The following RDX variants were observed in gnomAD, a reference collection of about 807,000 sequenced individuals.
The protein encoded by RDX is radixin.
Under a neutral mutation model 83.7 loss-of-function variants are expected in RDX, and 32 were observed. The observed-to-expected ratio is 0.38, with a 90% confidence interval of 0.29 to 0.51. The LOEUF (loss-of-function observed/expected upper bound fraction) is 0.51. Among genes scored for constraint, RDX ranks in the 20% least tolerant of loss-of-function variants. RDX has a pLI of 0.87. For missense variants in RDX, 600 were observed against 689.9 expected (o/e 0.87, Z 1.46); for synonymous variants, 229 against 222.7 (o/e 1.03, Z -0.25).
intron 1 of RDX, among the ~76,000 whole-genome samples, chr11:110,291,540 C>T (rs968919411): frequency 6.6e-6 from 1 of 152,024 alleles, no homozygotes; most frequent in African/African-American, 2.4e-5. Context: ...CCTCTTATTC[C>T]TTTGGATACT....
intron 3 of RDX, among the ~76,000 whole-genome samples, chr11:110,270,540 C>A (rs138264493): frequency 1.3e-5 from 2 of 152,120 alleles, no homozygotes; most frequent in Admixed American, 1.3e-4. Flanking sequence ...TACTGTTCTA[C>A]GCACTTTACA....
intron 2 of RDX, among the ~76,000 whole-genome samples, chr11:110,277,901 G>A (rs754718998): frequency 1.3e-4 from 20 of 152,000 alleles, no homozygotes; most frequent in Non-Finnish European, 2.4e-4. Flanking sequence ...TTTTTCCTAT[G>A]TTTTCTTCTA....
chr11:110,270,221 C>A (rs1184732620), intron 3 of RDX, among the ~76,000 whole-genome samples: 1 of 151,794 alleles, frequency 6.6e-6, no homozygotes, highest in East Asian at 1.9e-4. Context: ...TCAGAGTATA[C>A]TTAAACAAAC....
intron 15 of RDX, among the ~76,000 whole-genome samples, chr11:110,183,229 C>A (rs542135414): frequency 1.3e-5 from 2 of 152,148 alleles, no homozygotes; most frequent in African/African-American, 4.8e-5. Context: ...TCAGAGGTGG[C>A]GATGCAGCCC....
intron 2 of RDX, among the ~76,000 whole-genome samples, chr11:110,273,528 C>G (rs1734151008): frequency 6.6e-6 from 1 of 152,232 alleles, no homozygotes; most frequent in Non-Finnish European, 1.5e-5. Context: ...TATACTCCCA[C>G]CTCAATCTAC....
At chr11:110,220,370 G>A (rs1289672818) in intron 14 of RDX, among the ~76,000 whole-genome samples, 1 of 152,150 alleles carries the variant, frequency 6.6e-6, no homozygotes, top group Non-Finnish European at 1.5e-5. Context: ...TGTTACTTCT[G>A]TTTGATGAGA....
At chr11:110,189,900 A>G (rs1423462420) in intron 15 of RDX, among the ~76,000 whole-genome samples, 2 of 152,096 alleles carry the variant, frequency 1.3e-5, no homozygotes, top group Non-Finnish European at 2.9e-5. Flanking sequence ...CCTGACCTAC[A>G]TGGAGAAACC....
chr11:110,283,766 AATAAC>A (rs1313653289), intron 1 of RDX, among the ~76,000 whole-genome samples: 1 of 152,184 alleles, frequency 6.6e-6, no homozygotes, highest in African/African-American at 2.4e-5. Flanking sequence ...GTTTTGGAAG[AATAAC>A]ATAATATGAC....
intron 15 of RDX, among the ~76,000 whole-genome samples, chr11:110,198,555 T>C (rs1863283652): frequency 6.6e-6 from 1 of 152,170 alleles, no homozygotes; most frequent in South Asian, 2.1e-4. Context: ...AGCAGCAGCA[T>C]TAGATTCTCA....
intron 14 of RDX, among the ~76,000 whole-genome samples, chr11:110,224,189 T>C (rs555570395): frequency 6.6e-6 from 1 of 151,896 alleles, no homozygotes; most frequent in East Asian, 1.9e-4. Flanking sequence ...AAGAGTTATT[T>C]TTCTAACCCC....
At chr11:110,253,498 A>G (rs1397334161) in intron 9 of RDX, among the ~76,000 whole-genome samples, 2 of 152,154 alleles carry the variant, frequency 1.3e-5, no homozygotes, top group Non-Finnish European at 2.9e-5. Context: ...AGAGAAACAG[A>G]GTTAAAAAGA....
intron 2 of RDX, among the ~76,000 whole-genome samples, chr11:110,275,766 C>G (rs1860488441): frequency 1.3e-5 from 2 of 149,402 alleles, no homozygotes; most frequent in Admixed American, 1.3e-4. Context: ...CACACAGATA[C>G]CAGTTTTTTA....
chr11:110,258,215 AT>A, intron 5 of RDX, 26 bp from the exon 6 acceptor site: 4 of 1,368,180 alleles, frequency 2.9e-6, no homozygotes, highest in Non-Finnish European at 4.1e-6. Context: ...AAAAAAAAAA[AT>A]TATAATGACT....
rs537339599 is a variant in RDX at position 110,205,995 on chromosome 11, C to T, written c.1749-6317G>A. On this transcript the variant is annotated intron_variant, in intron 14 of 15. Coordinates refer to the RDX transcript ENST00000528498. Reference sequence around the variant, plus strand: ...CTATAGCCAGACGCAGTGGCTCATGCCTGTAATCCCAGCACTTTGGGAGAC... The same window carrying T: ...CTATAGCCAGACGCAGTGGCTCATGTCTGTAATCCCAGCACTTTGGGAGAC... Among the ~76,000 whole-genome samples, 46 of 152,220 alleles carry T rather than the reference C, an allele frequency of 3.0e-4. 2 individuals are homozygous for T. Among genetic ancestry groups the T allele is most frequent in the Non-Finnish European group, 5.3e-4 (36 of 67,996 alleles).
intron 14 of RDX, among the ~76,000 whole-genome samples, chr11:110,208,272 C>T (rs1263037356): frequency 6.6e-6 from 1 of 152,230 alleles, no homozygotes; most frequent in African/African-American, 2.4e-5. Context: ...TCATTCAGTT[C>T]TGAAAACGAA....
intron 15 of RDX, among the ~76,000 whole-genome samples, chr11:110,189,421 C>T (rs761857017): frequency 1.2e-4 from 18 of 152,012 alleles, no homozygotes; most frequent in Non-Finnish European, 2.2e-4. Context: ...ATTGTGGGGT[C>T]CTTTAACACT....
chr11:110,232,776 G>T (rs1217050264), intron 13 of RDX, among the ~76,000 whole-genome samples: 1 of 151,922 alleles, frequency 6.6e-6, no homozygotes, highest in Admixed American at 6.6e-5. Flanking sequence ...CACCATACCC[G>T]GCTAATTTTT....
chr11:110,231,837 T>C lies in RDX; in HGVS notation c.*32A>G. ...TGCTTTTCTCTGTTGGTGGTTCAGCTTATGAAGAACATATATGCAAAATAA... is the reference window on the plus strand; with the variant it reads ...TGCTTTTCTCTGTTGGTGGTTCAGCCTATGAAGAACATATATGCAAAATAA... On this transcript the variant is annotated 3_prime_UTR_variant, in exon 14 of 14. Transcript: ENST00000645495. 6.2e-7 allele frequency: 1 copy of C among 1,610,740 alleles called. No individual in the cohort carries two copies. Among genetic ancestry groups the C allele is most frequent in the Non-Finnish European group, 8.5e-7 (1 of 1,179,328 alleles).
At chr11:110,189,243 T>TAAAAAAAAAAAAAAGAAAAAAAAAAAA (rs1863053673) in intron 15 of RDX, among the ~76,000 whole-genome samples, 1 of 35,590 alleles carries the variant, frequency 2.8e-5, no homozygotes, top group Non-Finnish European at 6.3e-5. Flanking sequence ...GAACAACAGG[T>TAAAAAAAAAAAAAAGAAAAAAAAAAAA]AAAAAAAAAA....
Sources: allele counts gnomAD v4.1 joint callset (sites outside exome capture counted in the v4.1 genomes callset), GRCh38; gene constraint gnomAD v4.1.1; transcripts MANE v1.5; gene names NCBI Gene and HGNC (gene_info 2026-07-23, HGNC 2026-07-21).